ATP10A: variants seen among roughly 807,000 people sequenced by gnomAD.
The protein encoded by ATP10A is phospholipid-transporting ATPase VA.
A neutral mutation model predicts 147.8 loss-of-function variants in ATP10A; 111 were observed. The ratio of observed to expected loss-of-function variants is 0.75; its 90% CI spans 0.64 to 0.88. ATP10A has a LOEUF of 0.88. Ranked by LOEUF, ATP10A falls within the 40% of genes least tolerant of loss-of-function variation. The pLI, the probability that ATP10A is intolerant of heterozygous loss-of-function variation, is 0.00. For missense variants in ATP10A, 1,927 were observed against 1,959.0 expected (o/e 0.98, Z 0.31); for synonymous variants, 875 against 841.6 (o/e 1.04, Z -0.69).
At position 25,681,054 on chromosome 15, in the gene ATP10A, G is replaced by C; in HGVS notation, c.3513C>G (p.Phe1171Leu). The C allele has an allele frequency of 1.2e-6, 2 of 1,613,964 alleles. No individual in the cohort carries two copies. Among genetic ancestry groups the C allele is most frequent in the Non-Finnish European group, 1.7e-6 (2 of 1,179,850 alleles). ...AGGCGGCGTCGGCCATGTTAAACCA[G>C]AACGTTCGTGGCCGGTATTCCTGGG... ...QNMEEYRPRT[F>L]WFNMADAAFQ... is the part of the protein sequence containing the mutation. Residue 1171 changes from phenylalanine (F) to leucine (L), a missense_variant, in exon 18 of 21, where the codon TTC becomes TTG. By Grantham distance (22) the Phe-to-Leu change is conservative (BLOSUM62 0). Coordinates refer to ENST00000555815, the MANE Select transcript of ATP10A (RefSeq NM_024490.4).
Position 25,770,686 on chromosome 15 carries a change from C to T in ATP10A, c.654+10333G>A, listed in dbSNP as rs377687708. Reference sequence around the variant, plus strand: ...AGGCAACACCCTGTTCCAGATGAACCGCTCTCACTGGCATTACTCATCATC... The same window carrying T: ...AGGCAACACCCTGTTCCAGATGAACTGCTCTCACTGGCATTACTCATCATC... On this transcript the variant is annotated intron_variant, in intron 2 of 20. Coordinates refer to ENST00000555815, the MANE Select transcript of ATP10A (RefSeq NM_024490.4). 2.3e-4 allele frequency among the ~76,000 whole-genome samples: 35 copies of T among 152,250 alleles called. No homozygotes were observed. The East Asian group carries it at 4.1e-3, about 18-fold the overall frequency.
At chr15:25,789,768 G>A (rs1265212638) in intron 1 of ATP10A, among the ~76,000 whole-genome samples, 4 of 152,014 alleles carry the variant, frequency 2.6e-5, no homozygotes, top group Non-Finnish European at 5.9e-5. Context: ...TGAGATTTGG[G>A]GCTGGATATC....
chr15:25,861,888 C>A (rs545874155), intron 1 of ATP10A: 10 of 177,636 alleles, frequency 5.6e-5, no homozygotes, highest in Non-Finnish European at 1.1e-4. Context: ...GATGAAAAGG[C>A]CGCAGGCCTC....
intron 2 of ATP10A, among the ~76,000 whole-genome samples, chr15:25,745,540 A>G (rs1887803915): frequency 6.6e-6 from 1 of 152,160 alleles, no homozygotes; most frequent in South Asian, 2.1e-4. Flanking sequence ...TGGGCAACAG[A>G]GCAAGACCCC....
chr15:25,737,448 A>G (rs1390182455), intron 2 of ATP10A, among the ~76,000 whole-genome samples: 3 of 152,210 alleles, frequency 2.0e-5, no homozygotes, highest in Non-Finnish European at 4.4e-5. Context: ...TCTAAGAAAA[A>G]TGTCATGGAC....
At chr15:25,864,408 C>T (rs948351090), upstream of ATP10A, among the ~76,000 whole-genome samples, 158 of 152,316 alleles carry the variant, frequency 1.0e-3, no homozygotes, top group African/African-American at 3.6e-3. Flanking sequence ...TGGCCCCAGG[C>T]TCTTCCTGGG....
At chr15:25,755,725 A>G (rs929336310) in intron 2 of ATP10A, among the ~76,000 whole-genome samples, 1 of 152,164 alleles carries the variant, frequency 6.6e-6, no homozygotes, top group South Asian at 2.1e-4. Flanking sequence ...CTTCTACCTA[A>G]TATGCTTTGC....
intron 3 of ATP10A, among the ~76,000 whole-genome samples, chr15:25,731,371 A>C (rs1902975976): frequency 6.6e-6 from 1 of 152,274 alleles, no homozygotes; most frequent in Admixed American, 6.5e-5. Context: ...GCACCCAAGT[A>C]TATAAAGCAA....
Position 25,721,641 on chromosome 15 carries a change from G to A in ATP10A, c.1363+16C>T, listed in dbSNP as rs777099441. On this transcript the variant is annotated intron_variant, in intron 7 of 20. Coordinates refer to ENST00000555815, the MANE Select transcript of ATP10A (RefSeq NM_024490.4). ...TGGTTCAGCCTGGGTTGGGAGCCCC[G>A]CACCCCCAGACTCACCATTTGCATC... is the stretch of plus-strand genomic sequence containing the variant. 1.0e-5 allele frequency: 16 copies of A among 1,604,668 alleles called. No homozygotes were observed. Among genetic ancestry groups the A allele is most frequent in the Non-Finnish European group, 1.2e-5 (14 of 1,173,576 alleles).
At chr15:25,675,433 T>G (rs112433959), downstream of ATP10A, among the ~76,000 whole-genome samples, 15 of 152,262 alleles carry the variant, frequency 9.9e-5, no homozygotes, top group African/African-American at 3.6e-4. Flanking sequence ...AGGTTGACGT[T>G]GTGTGAGAAC....
At chr15:25,798,459 G>A (rs1040425521) in intron 1 of ATP10A, among the ~76,000 whole-genome samples, 24 of 152,262 alleles carry the variant, frequency 1.6e-4, no homozygotes, top group Admixed American at 9.2e-4. Flanking sequence ...AGACACCCAC[G>A]CAAGTCCATT....
chr15:25,799,775 A>G (rs1314453592), intron 1 of ATP10A, among the ~76,000 whole-genome samples: 1 of 152,160 alleles, frequency 6.6e-6, no homozygotes, highest in Non-Finnish European at 1.5e-5. Flanking sequence ...CCCAAAGTAC[A>G]TATAGCTTCA....
rs967116760 is a variant in ATP10A at position 25,818,122 on chromosome 15, G to A, written c.450-36899C>T. ...TGCATGGAAATTGTTTGAAACATCTGGGATATAAATTCACTAATATATTAA... is the reference window on the plus strand; with the variant it reads ...TGCATGGAAATTGTTTGAAACATCTAGGATATAAATTCACTAATATATTAA... On this transcript the variant is annotated intron_variant, in intron 1 of 20. Coordinates refer to ENST00000555815, the MANE Select transcript of ATP10A (RefSeq NM_024490.4). Among the ~76,000 whole-genome samples the A allele has an allele frequency of 3.9e-4, 59 of 151,792 alleles. 1 individual carries two copies. Among genetic ancestry groups the A allele is most frequent in the African/African-American group, 1.4e-3 (57 of 41,380 alleles).
At chr15:25,801,437 T>C (rs1324052101) in intron 1 of ATP10A, among the ~76,000 whole-genome samples, 1 of 152,178 alleles carries the variant, frequency 6.6e-6, no homozygotes, top group Admixed American at 6.5e-5. Context: ...GCAATGCCTG[T>C]GTGGCAGGTG....
chr15:25,852,608 G>A (rs1893345292), intron 1 of ATP10A, among the ~76,000 whole-genome samples: 1 of 152,116 alleles, frequency 6.6e-6, no homozygotes, highest in Non-Finnish European at 1.5e-5. Flanking sequence ...ACTCCAAAGA[G>A]GAAAACAGGT....
chr15:25,739,790 T>C (rs1233616632), intron 2 of ATP10A, among the ~76,000 whole-genome samples: 1 of 152,244 alleles, frequency 6.6e-6, no homozygotes, highest in Non-Finnish European at 1.5e-5. Context: ...TCTGTTGTTG[T>C]CTTACAGATA....
At chr15:25,762,317 C>G (rs1888802039) in intron 2 of ATP10A, among the ~76,000 whole-genome samples, 1 of 152,166 alleles carries the variant, frequency 6.6e-6, no homozygotes, top group Non-Finnish European at 1.5e-5. Context: ...TGAGAGTAGA[C>G]TAATACAGGA....
chr15:25,728,540 C>T (rs1367848654), intron 3 of ATP10A, among the ~76,000 whole-genome samples: 1 of 152,176 alleles, frequency 6.6e-6, no homozygotes. Context: ...AGGTACAAAA[C>T]CCTGCTCTGC....
intron 14 of ATP10A, 37 bp from the exon 15 acceptor site, chr15:25,691,828 T>G: frequency 6.2e-7 from 1 of 1,611,422 alleles, no homozygotes; most frequent in South Asian, 1.1e-5. Context: ...TGTTTGATTC[T>G]AGAAACAGCA....
Sources: allele counts gnomAD v4.1 joint callset (sites outside exome capture counted in the v4.1 genomes callset), GRCh38; gene constraint gnomAD v4.1.1; transcripts MANE v1.5; gene names NCBI Gene and HGNC (gene_info 2026-07-23, HGNC 2026-07-21).